Variants in CDON observed in about 807,000 individuals in gnomAD.
The protein encoded by CDON is cell adhesion molecule-related/down-regulated by oncogenes.
CDON carries 73 observed loss-of-function variants against 120.9 expected under a neutral mutation model. That is an observed-to-expected ratio of 0.60 (90% CI 0.50 to 0.73). CDON has a LOEUF of 0.73. Among genes scored for constraint, CDON ranks in the 30% least tolerant of loss-of-function variants. CDON has a pLI of 0.00. For missense variants in CDON, 1,470 were observed against 1,587.3 expected, an observed-to-expected ratio of 0.93 and a Z score of 1.26; for synonymous variants, 566 against 573.5, an observed-to-expected ratio of 0.99 and a Z score of 0.19.
At chr11:126,045,294 G>A (rs1948377508) in intron 1 of CDON, among the ~76,000 whole-genome samples, 1 of 152,120 alleles carries the variant, frequency 6.6e-6, no homozygotes, top group African/African-American at 2.4e-5. Flanking sequence ...CCAAAATGCT[G>A]GGATTACAGG....
rs757244949 is a variant in CDON at position 126,010,643 on chromosome 11, G to A, written c.1250C>T (p.Ala417Val). Residue 417 changes from alanine to valine, a missense_variant, in exon 8 of 20, where the codon GCA (alanine) becomes GTA (valine). Physicochemically the swap from Ala to Val is moderately conservative, Grantham distance 64. Coordinates refer to ENST00000531738, the MANE Select transcript of CDON (RefSeq NM_001378964.1). Reference sequence around the variant, plus strand: ...GGACAGAGTAACAAAGTCTCCGTCTGCAACCTTTGCACTTACTGGTGCCGT... The same window carrying A: ...GGACAGAGTAACAAAGTCTCCGTCTACAACCTTTGCACTTACTGGTGCCGT... Reference protein sequence around the residue: ...IITAPVSAKVADGDFVTLSCN... With the variant: ...IITAPVSAKVVDGDFVTLSCN... The A allele has an allele frequency of 1.9e-6, 3 of 1,614,058 alleles. No homozygotes were observed. The highest frequency in any genetic ancestry group is 3.3e-5 in the Admixed American group (2 of 59,992).
intron 11 of CDON, among the ~76,000 whole-genome samples, chr11:126,001,291 G>A (rs891817707): frequency 1.3e-5 from 2 of 150,984 alleles, no homozygotes; most frequent in East Asian, 3.9e-4. Context: ...AGACTCAAGC[G>A]ATCCTCCCAC....
intron 18 of CDON, among the ~76,000 whole-genome samples, chr11:125,970,013 ACT>A (rs1157778847): frequency 1.3e-5 from 2 of 152,170 alleles, no homozygotes; most frequent in East Asian, 3.9e-4. Flanking sequence ...GTACAGAATT[ACT>A]CTGATTAGAT....
intron 2 of CDON, among the ~76,000 whole-genome samples, chr11:126,021,920 T>A (rs915077343): frequency 6.6e-6 from 1 of 151,956 alleles, no homozygotes; most frequent in Non-Finnish European, 1.5e-5. Context: ...CTGGGCAACA[T>A]GGCAAAACCC....
intron 8 of CDON, among the ~76,000 whole-genome samples, chr11:126,009,489 A>T (rs1465586709): frequency 6.6e-6 from 1 of 152,106 alleles, no homozygotes; most frequent in Non-Finnish European, 1.5e-5. Flanking sequence ...TAGAAGGAGG[A>T]ATGTGGGCTC....
In CDON at chr11:125,960,504, A is replaced by C. The variant is rs987065013; in HGVS notation, c.*438T>G. 1.6e-4 allele frequency: 28 copies of C among 178,672 alleles called. No individual in the cohort carries two copies. Among genetic ancestry groups the C allele is most frequent in the Non-Finnish European group, 2.5e-4 (21 of 84,706 alleles). 11.1% of individuals were successfully genotyped at this position (178,672 alleles called of 1,614,324 possible). A position where few individuals can be genotyped will look rare whatever the true frequency, so the allele number is the denominator to read the frequency against. ...GACTCCATCTCAAAAAACAAACAAA[A>C]AAAAGTCTGAGAATACACTATTGAA... On this transcript the variant is annotated 3_prime_UTR_variant, in exon 20 of 20. Transcript: ENST00000531738.
intron 1 of CDON, among the ~76,000 whole-genome samples, chr11:126,055,427 G>A (rs1948658269): frequency 6.6e-6 from 1 of 152,130 alleles, no homozygotes; most frequent in Non-Finnish European, 1.5e-5. Context: ...TTATTTTGGT[G>A]GTTCAGGATC....
At chr11:125,986,200 CA>C (rs1325777557) in intron 15 of CDON, among the ~76,000 whole-genome samples, 1 of 151,920 alleles carries the variant, frequency 6.6e-6, no homozygotes, top group Admixed American at 6.6e-5. Context: ...TCATTCTGAG[CA>C]AAACCAAACA....
intron 1 of CDON, among the ~76,000 whole-genome samples, chr11:126,050,399 A>T (rs1397827160): frequency 2.6e-5 from 4 of 152,032 alleles, no homozygotes; most frequent in Non-Finnish European, 5.9e-5. Flanking sequence ...GAACTAGATT[A>T]AAACTTTTAT....
intron 1 of CDON, among the ~76,000 whole-genome samples, chr11:126,061,446 G>GT (rs1948792853): frequency 6.6e-6 from 1 of 152,160 alleles, no homozygotes; most frequent in Non-Finnish European, 1.5e-5. Flanking sequence ...AAAATAGACT[G>GT]AGGGTGGGGG....
At chr11:126,027,022 C>T (rs142235332) in intron 1 of CDON, among the ~76,000 whole-genome samples, 1 of 152,184 alleles carries the variant, frequency 6.6e-6, no homozygotes, top group African/African-American at 2.4e-5. Context: ...ATTACAGCTA[C>T]CTAAATATTA....
At chr11:125,999,830 GA>G (rs1419016788) in intron 11 of CDON, among the ~76,000 whole-genome samples, 1 of 152,048 alleles carries the variant, frequency 6.6e-6, no homozygotes, top group Admixed American at 6.6e-5. Context: ...AGCTTTCAAG[GA>G]AAGATTCAAC....
chr11:126,005,804 C>T lies in CDON; in HGVS notation c.1806G>A (p.Lys602=). 6.2e-7 allele frequency: 1 copy of T among 1,614,030 alleles called. No homozygotes were observed. Among genetic ancestry groups the T allele is most frequent in the Non-Finnish European group, 8.5e-7 (1 of 1,179,992 alleles). ...AAGCATTGATGGGCAGCCCACCATC[C>T]TTGCCTGCCCTCCACACCAGGTTGT... is the stretch of plus-strand genomic sequence containing the variant. ...DTYNLVWRAG[K]DGGLPINAYF... The change falls in exon 9 of 20, where the codon AAG becomes AAA. Residue 602 remains lysine, a synonymous_variant. Coordinates refer to ENST00000531738, the MANE Select transcript of CDON (RefSeq NM_001378964.1).
intron 1 of CDON, among the ~76,000 whole-genome samples, chr11:126,032,778 G>A (rs1166346612): frequency 6.6e-6 from 1 of 152,158 alleles, no homozygotes; most frequent in Non-Finnish European, 1.5e-5. Context: ...AGGCCAAGGT[G>A]GGTGGATCAC....
chr11:126,009,984 C>A (rs1466252466), intron 8 of CDON, among the ~76,000 whole-genome samples: 1 of 152,180 alleles, frequency 6.6e-6, no homozygotes, highest in African/African-American at 2.4e-5. Flanking sequence ...AAGGCCAGTC[C>A]TTTAGACCCA....
chr11:126,043,032 G>C (rs1041465396), intron 1 of CDON, among the ~76,000 whole-genome samples: 2 of 152,110 alleles, frequency 1.3e-5, no homozygotes, highest in African/African-American at 4.8e-5. Flanking sequence ...CCTAACTTTC[G>C]ACACCTAAGT....
intron 18 of CDON, among the ~76,000 whole-genome samples, chr11:125,963,239 CATT>C (rs1388822238): frequency 6.6e-6 from 1 of 152,118 alleles, no homozygotes; most frequent in Non-Finnish European, 1.5e-5. Context: ...CAGATTTTAT[CATT>C]ATTATCTGTT....
At chr11:126,006,337 C>A (rs1947130576) in intron 8 of CDON, among the ~76,000 whole-genome samples, 1 of 152,220 alleles carries the variant, frequency 6.6e-6, no homozygotes, top group African/African-American at 2.4e-5. Context: ...TAAGAGTATT[C>A]TTTTTAGTAA....
At chr11:126,047,957 G>A (rs771643438) in intron 1 of CDON, among the ~76,000 whole-genome samples, 4 of 152,244 alleles carry the variant, frequency 2.6e-5, no homozygotes, top group Admixed American at 6.5e-5. Context: ...AGAGTAGTAC[G>A]TGAATGACAT....
Sources: gnomAD v4.1 joint callset for allele counts (sites outside exome capture counted in the v4.1 genomes callset) on GRCh38, gnomAD v4.1.1 for gene constraint, MANE v1.5 for transcripts, NCBI Gene and HGNC (gene_info 2026-07-23, HGNC 2026-07-21) for gene names.